Variants in CSMD1 observed in about 807,000 individuals in gnomAD.
CSMD1 encodes the protein CUB and Sushi multiple domains 1.
In CSMD1, 213 loss-of-function variants were observed where a neutral mutation model predicts 417.5. The observed-to-expected ratio is 0.51, with a 90% CI of 0.46 to 0.57. The LOEUF (loss-of-function observed/expected upper bound fraction) is 0.57. Among genes scored for constraint, CSMD1 ranks in the 20% least tolerant of loss-of-function variants. The pLI, the probability that CSMD1 is intolerant of heterozygous loss-of-function variation, is 0.00. For missense variants in CSMD1, 6,923 were observed against 4,529.7 expected, an observed-to-expected ratio of 1.53 and a Z score of -15.17; for synonymous variants, 2,862 against 1,736.8, an observed-to-expected ratio of 1.65 and a Z score of -16.11.
intron 5 of CSMD1, among the ~76,000 whole-genome samples, chr8:3,826,873 G>A (rs111695662): frequency 3.1e-3 from 477 of 152,090 alleles, no homozygotes; most frequent in African/African-American, 0.011. Flanking sequence ...TGCAGCATCG[G>A]CCTCCTGAGT....
intron 2 of CSMD1, among the ~76,000 whole-genome samples, chr8:4,503,190 C>T (rs1267923099): frequency 1.3e-5 from 2 of 152,074 alleles, no homozygotes; most frequent in Admixed American, 6.5e-5. Context: ...TCCGTCTAAG[C>T]CAGGTAATTC....
intron 3 of CSMD1, among the ~76,000 whole-genome samples, chr8:4,187,705 A>G (rs1033952527): frequency 6.8e-6 from 1 of 146,446 alleles, no homozygotes; most frequent in Non-Finnish European, 1.5e-5. Context: ...GCATTCAGGA[A>G]GTTTATTCTA....
chr8:3,945,772 T>A (rs761388656), intron 5 of CSMD1, among the ~76,000 whole-genome samples: 1 of 152,030 alleles, frequency 6.6e-6, no homozygotes, highest in Non-Finnish European at 1.5e-5. Context: ...ACTGGAGATA[T>A]GAAAGTAGAT....
intron 18 of CSMD1, among the ~76,000 whole-genome samples, chr8:3,382,077 G>A (rs1394679161): frequency 2.6e-5 from 4 of 152,024 alleles, no homozygotes; most frequent in African/African-American, 4.8e-5. Flanking sequence ...GGCCAACATG[G>A]CAAAACCCTG....
At chr8:3,743,120 G>C (rs901399165) in intron 6 of CSMD1, among the ~76,000 whole-genome samples, 4 of 152,188 alleles carry the variant, frequency 2.6e-5, no homozygotes, top group African/African-American at 9.7e-5. Flanking sequence ...GGAACTGAGA[G>C]ACTTGCTCAG....
intron 10 of CSMD1, among the ~76,000 whole-genome samples, chr8:3,530,110 C>A (rs1360154324): frequency 1.3e-5 from 2 of 152,084 alleles, no homozygotes; most frequent in Non-Finnish European, 2.9e-5. Flanking sequence ...TTTTATTGAT[C>A]TTTTCAAAAA....
At chr8:4,224,612 G>C (rs1343741993) in intron 3 of CSMD1, among the ~76,000 whole-genome samples, 1 of 152,166 alleles carries the variant, frequency 6.6e-6, no homozygotes, top group Admixed American at 6.5e-5. Flanking sequence ...CAAAGGTTAT[G>C]ACTTCAGACT....
intron 5 of CSMD1, among the ~76,000 whole-genome samples, chr8:3,788,410 G>A (rs929252777): frequency 2.6e-5 from 4 of 152,138 alleles, no homozygotes; most frequent in Non-Finnish European, 4.4e-5. Flanking sequence ...CCCAAGTGAG[G>A]CTTCTGGAGG....
chr8:4,273,017 A>G (rs1804700385), intron 3 of CSMD1, among the ~76,000 whole-genome samples: 1 of 152,206 alleles, frequency 6.6e-6, no homozygotes, highest in Non-Finnish European at 1.5e-5. Flanking sequence ...TGTACCTGAC[A>G]TTTCTAACTA....
intron 1 of CSMD1, among the ~76,000 whole-genome samples, chr8:4,686,110 T>C (rs760663221): frequency 3.9e-5 from 6 of 152,262 alleles, no homozygotes; most frequent in Non-Finnish European, 8.8e-5. Context: ...ACAGAAGCTG[T>C]GTCAGAAAAT....
At chr8:3,241,323 A>C (rs148123974) in intron 26 of CSMD1, among the ~76,000 whole-genome samples, 10,394 of 150,786 alleles carry the variant, frequency 0.069, 474 homozygotes, top group East Asian at 0.23. Context: ...TTATGGAGGC[A>C]AGGGAAACAG....
intron 3 of CSMD1, among the ~76,000 whole-genome samples, chr8:4,213,355 C>G (rs1190688271): frequency 6.6e-6 from 1 of 151,964 alleles, no homozygotes; most frequent in Non-Finnish European, 1.5e-5. Flanking sequence ...AAGGGCCGTG[C>G]ACAAAAAAAG....
At chr8:4,816,287 G>A (rs535360184) in intron 1 of CSMD1, among the ~76,000 whole-genome samples, 1 of 151,846 alleles carries the variant, frequency 6.6e-6, no homozygotes, top group African/African-American at 2.4e-5. Flanking sequence ...TGGGTTCAAG[G>A]GATTCTCCTG....
intron 1 of CSMD1, among the ~76,000 whole-genome samples, chr8:4,829,354 C>G (rs1800009260): frequency 6.6e-6 from 1 of 152,256 alleles, no homozygotes; most frequent in African/African-American, 2.4e-5. Flanking sequence ...CGTGTCTATA[C>G]TGGGCAACAC....
chr8:4,898,683 G>A (rs922572587), intron 1 of CSMD1, among the ~76,000 whole-genome samples: 5 of 152,102 alleles, frequency 3.3e-5, no homozygotes, highest in Admixed American at 1.3e-4. Context: ...AGGAAAGACT[G>A]AGAAAAACGA....
At chr8:4,822,631 C>CA (rs959158960) in intron 1 of CSMD1, among the ~76,000 whole-genome samples, 6 of 151,574 alleles carry the variant, frequency 4.0e-5, no homozygotes, top group Non-Finnish European at 5.9e-5. Context: ...TCATAGAAAA[C>CA]AAAAAAAGAT....
chr8:4,236,561 T>C (rs75074335), intron 3 of CSMD1, among the ~76,000 whole-genome samples: 186 of 152,290 alleles, frequency 1.2e-3, no homozygotes, highest in Non-Finnish European at 2.3e-3. Flanking sequence ...TTCAACGTGA[T>C]AGAAAGTTTT....
At chr8:3,882,539 C>T (rs76788061) in intron 5 of CSMD1, among the ~76,000 whole-genome samples, 4,765 of 152,170 alleles carry the variant, frequency 0.031, 153 homozygotes, top group African/African-American at 0.074. Context: ...TGTGAGTGGA[C>T]GATCGCATCC....
intron 2 of CSMD1, among the ~76,000 whole-genome samples, chr8:4,546,178 G>C (rs2130540122): frequency 6.6e-6 from 1 of 152,316 alleles, no homozygotes; most frequent in East Asian, 1.9e-4. Flanking sequence ...AGTTTATTAT[G>C]TCCTTGTTAT....
Sources: allele counts gnomAD v4.1 joint callset (sites outside exome capture counted in the v4.1 genomes callset), GRCh38; gene constraint gnomAD v4.1.1; transcripts MANE v1.5; gene names NCBI Gene and HGNC (gene_info 2026-07-23, HGNC 2026-07-21).